KIDINS220: variants seen among roughly 807,000 people sequenced by gnomAD.
KIDINS220 encodes the protein kinase D interacting substrate 220.
A neutral mutation model predicts 157.6 loss-of-function variants in KIDINS220; 63 were observed. That is an observed-to-expected ratio of 0.40 (90% CI 0.33 to 0.49). KIDINS220 has a LOEUF of 0.49. Among genes scored for constraint, KIDINS220 ranks in the 20% least tolerant of loss-of-function variants. The pLI, the probability that KIDINS220 is intolerant of heterozygous loss-of-function variation, is 0.66. For missense variants in KIDINS220, 1,772 were observed against 2,171.2 expected (o/e 0.82, Z 3.65); for synonymous variants, 732 against 783.6 (o/e 0.93, Z 1.10).
intron 17 of KIDINS220, among the ~76,000 whole-genome samples, 152 bp downstream of exon 17, chr2:8,785,588 GT>G (rs1672281410): frequency 6.6e-6 from 1 of 152,134 alleles, no homozygotes; most frequent in Non-Finnish European, 1.5e-5. Context: ...TTAAATTATA[GT>G]CTTGAATGAA....
At chr2:8,757,564 A>AC in intron 22 of KIDINS220, 8 of 1,513,110 alleles carry the variant, frequency 5.3e-6, no homozygotes, top group Non-Finnish European at 7.1e-6. Flanking sequence ...CATGAAGGCC[A>AC]GTACCTCTGG....
chr2:8,812,893 A>T (rs563302679), intron 5 of KIDINS220, among the ~76,000 whole-genome samples: 1 of 152,340 alleles, frequency 6.6e-6, no homozygotes, highest in South Asian at 2.1e-4. Context: ...ATAGAAAAAC[A>T]GTATGATTAT....
At chr2:8,821,969 C>A (rs1054327927) in intron 2 of KIDINS220, among the ~76,000 whole-genome samples, 2 of 152,146 alleles carry the variant, frequency 1.3e-5, no homozygotes, top group African/African-American at 4.8e-5. Flanking sequence ...CACATCCCAG[C>A]AAATTCCATG....
Position 8,800,457 on chromosome 2 carries a change from A to G in KIDINS220, c.843T>C (p.His281=). The G allele has an allele frequency of 2.5e-6, 4 of 1,613,652 alleles. No individual in the cohort carries two copies. Among genetic ancestry groups the G allele is most frequent in the Non-Finnish European group, 3.4e-6 (4 of 1,179,852 alleles). ...GGAGAAGCGCTCGAACAATTTCAACATGACCACCTCTGACAGCGCCAATCA... is the reference window on the plus strand; with the variant it reads ...GGAGAAGCGCTCGAACAATTTCAACGTGACCACCTCTGACAGCGCCAATCA... ...TVLIGAVRGG[H]VEIVRALLQK... The change falls in exon 9 of 30, where the codon CAT becomes CAC. Residue 281 remains histidine, a synonymous_variant. Transcript: ENST00000256707.
At chr2:8,725,973 G>A (rs1283473335), downstream of KIDINS220, among the ~76,000 whole-genome samples, 1 of 152,198 alleles carries the variant, frequency 6.6e-6, no homozygotes. Flanking sequence ...TTGGTAAAAA[G>A]ATGACTGCAG....
chr2:8,736,695 A>T (rs1664904247), intron 27 of KIDINS220, among the ~76,000 whole-genome samples, 173 bp downstream of exon 27: 1 of 152,254 alleles, frequency 6.6e-6, no homozygotes, highest in Non-Finnish European at 1.5e-5. Context: ...ATAAGAGAAA[A>T]CAGGGCAATT....
chr2:8,732,969 G>A (rs538823962), intron 29 of KIDINS220, among the ~76,000 whole-genome samples: 13 of 152,238 alleles, frequency 8.5e-5, no homozygotes, highest in South Asian at 6.2e-4. Flanking sequence ...AAGGAAGAAC[G>A]CGCCTACATC....
intron 1 of KIDINS220, among the ~76,000 whole-genome samples, chr2:8,830,052 C>T (rs903053108): frequency 6.6e-6 from 1 of 152,080 alleles, no homozygotes. Flanking sequence ...CTCATCTCTA[C>T]TCTACCAAGG....
intron 27 of KIDINS220, among the ~76,000 whole-genome samples, chr2:8,735,161 G>T (rs1224328662): frequency 6.6e-6 from 1 of 152,220 alleles, no homozygotes; most frequent in Admixed American, 6.5e-5. Flanking sequence ...TCTAAATGAA[G>T]TAGGCCTGGC....
chr2:8,811,810 C>T (rs999795586), intron 6 of KIDINS220, among the ~76,000 whole-genome samples: 7 of 151,912 alleles, frequency 4.6e-5, no homozygotes, highest in African/African-American at 1.7e-4. Context: ...TTCTGGGGTG[C>T]TTTCTGGAGG....
intron 7 of KIDINS220, 42 bp from the exon 8 acceptor site, chr2:8,803,169 A>G (rs748840048): frequency 6.9e-7 from 1 of 1,445,542 alleles, no homozygotes; most frequent in Admixed American, 2.0e-5. Context: ...ACGCAAGCCC[A>G]AGAAATTAAT....
At chr2:8,733,313 A>AC in intron 29 of KIDINS220, 131 bp downstream of exon 29, 1 of 793,450 alleles carries the variant, frequency 1.3e-6, no homozygotes, top group East Asian at 2.5e-5. Flanking sequence ...GGAGCCCTCC[A>AC]TCTTGTCTCC....
chr2:8,745,391 T>A (rs970355248), intron 26 of KIDINS220, among the ~76,000 whole-genome samples: 1 of 152,210 alleles, frequency 6.6e-6, no homozygotes, highest in African/African-American at 2.4e-5. Flanking sequence ...ACTGAAACAC[T>A]TCAGCTGAAA....
chr2:8,758,899 T>C (rs1391195730), intron 22 of KIDINS220, among the ~76,000 whole-genome samples: 1 of 152,200 alleles, frequency 6.6e-6, no homozygotes, highest in East Asian at 1.9e-4. Flanking sequence ...GAGCTGAAGC[T>C]GTCCACATGC....
At chr2:8,770,609 T>G in intron 22 of KIDINS220, 61 bp downstream of exon 22, 4 of 795,614 alleles carry the variant, frequency 5.0e-6, no homozygotes, top group Non-Finnish European at 3.7e-6. Context: ...TATACGCGTT[T>G]TTTTTTTTTT....
intron 7 of KIDINS220, among the ~76,000 whole-genome samples, chr2:8,805,329 C>A (rs1438002): frequency 0.012 from 1,883 of 152,182 alleles, 71 homozygotes; most frequent in East Asian, 0.11. Context: ...TCTTTAGCTC[C>A]TCTCCCCTCC....
At chr2:8,827,430 G>A (rs1214661256) in intron 1 of KIDINS220, among the ~76,000 whole-genome samples, 2 of 152,000 alleles carry the variant, frequency 1.3e-5, no homozygotes, top group Non-Finnish European at 2.9e-5. Flanking sequence ...GCCAGTAAAC[G>A]GCAGCTCCAG....
chr2:8,810,701 G>A (rs899406286), intron 6 of KIDINS220, among the ~76,000 whole-genome samples: 4 of 152,052 alleles, frequency 2.6e-5, no homozygotes, highest in African/African-American at 7.2e-5. Flanking sequence ...CAGGAGAATC[G>A]CTTGAACCCA....
intron 17 of KIDINS220, among the ~76,000 whole-genome samples, chr2:8,783,077 A>G (rs1671914215): frequency 6.6e-6 from 1 of 151,972 alleles, no homozygotes; most frequent in Non-Finnish European, 1.5e-5. Flanking sequence ...CATGCCTGTA[A>G]TCTCACCTAC....
Sources: allele counts gnomAD v4.1 joint callset (sites outside exome capture counted in the v4.1 genomes callset), GRCh38; gene constraint gnomAD v4.1.1; transcripts MANE v1.5; gene names NCBI Gene and HGNC (gene_info 2026-07-23, HGNC 2026-07-21).